The following ABHD5 variants were observed in gnomAD, a reference collection of about 807,000 sequenced individuals.
ABHD5 encodes abhydrolase domain containing 5, lysophosphatidic acid acyltransferase.
A neutral mutation model predicts 44.9 loss-of-function variants in ABHD5; 30 were observed. The observed-to-expected ratio is 0.67, with a 90% CI of 0.50 to 0.91. The LOEUF is 0.91. Ranked by LOEUF, ABHD5 falls within the 40% of genes least tolerant of loss-of-function variation. ABHD5 has a pLI of 0.00. For synonymous variants in ABHD5, 167 were observed against 147.0 expected (o/e 1.14, Z -0.99); for missense variants, 399 against 423.4 (o/e 0.94, Z 0.50).
chr3:43,691,039 G>A lies in ABHD5; in HGVS notation c.47G>A (p.Arg16Lys), dbSNP rs2084365740. 1.3e-6 allele frequency: 2 copies of A among 1,556,166 alleles called. No individual in the cohort carries two copies. The highest frequency in any genetic ancestry group is 2.6e-5 in the East Asian group (1 of 38,248). The part of the protein sequence containing the change: ...EEVDSADTGE[R>K]SGWLTGWLPT... ...GTGGACTCTGCCGACACCGGAGAGA[G>A]GTAAGCGCAGCCGGCAGGGGGCTTC... Residue 16 changes from arginine (R) to lysine (K), a missense_variant and splice_region_variant, in exon 1 of 7, where the codon AGG becomes AAG. Transcript: ENST00000644371.
chr3:43,734,247 A>C (rs1697298676), exon 8 of ABHD5: 1 of 152,150 alleles, frequency 6.6e-6, no homozygotes, highest in Non-Finnish European at 1.5e-5. Flanking sequence ...ATTGACTGAC[A>C]CGTGGGTGCA....
downstream of ABHD5, among the ~76,000 whole-genome samples, chr3:43,724,772 A>G (rs1361667678): frequency 2.6e-5 from 4 of 152,196 alleles, no homozygotes; most frequent in Non-Finnish European, 2.9e-5. Context: ...AAAGTTACAT[A>G]AAGATACACT....
intron 6 of ABHD5, among the ~76,000 whole-genome samples, chr3:43,718,065 G>T (rs1001932678): frequency 2.1e-4 from 32 of 152,156 alleles, no homozygotes; most frequent in African/African-American, 7.5e-4. Flanking sequence ...CTTTCTGAAT[G>T]ACTTTTCCTG....
intron 7 of ABHD5, among the ~76,000 whole-genome samples, chr3:43,729,755 T>C (rs191485315): frequency 2.0e-5 from 3 of 152,348 alleles, no homozygotes; most frequent in Admixed American, 6.5e-5. Flanking sequence ...AGTTGCTCTA[T>C]GATAGAAGGT....
downstream of ABHD5, among the ~76,000 whole-genome samples, chr3:43,725,313 CCTG>C (rs2149610890): frequency 6.6e-6 from 1 of 152,280 alleles, no homozygotes; most frequent in African/African-American, 2.4e-5. Context: ...TTATATCTCT[CCTG>C]CTGTTTTCTC....
intron 1 of ABHD5, 57 bp downstream of exon 1, chr3:43,691,096 C>G (rs2084368323): frequency 6.7e-7 from 1 of 1,488,198 alleles, no homozygotes; most frequent in East Asian, 2.8e-5. Flanking sequence ...TCCGCGCGGG[C>G]CGGGTTAGGG....
chr3:43,716,903 G>T (rs911135336), intron 5 of ABHD5, among the ~76,000 whole-genome samples: 2 of 152,008 alleles, frequency 1.3e-5, no homozygotes, highest in Admixed American at 1.3e-4. Flanking sequence ...ACCAGGCGTG[G>T]TACTCACGCC....
At chr3:43,711,591 T>C (rs2084688829) in intron 3 of ABHD5, 118 bp from the exon 4 acceptor site, 9 of 1,149,572 alleles carry the variant, frequency 7.8e-6, no homozygotes, top group Admixed American at 1.9e-5. Flanking sequence ...CACTAATCTT[T>C]AACGTGAAGG....
intron 3 of ABHD5, among the ~76,000 whole-genome samples, chr3:43,709,645 A>G (rs2084663546): frequency 6.6e-6 from 1 of 152,232 alleles, no homozygotes; most frequent in African/African-American, 2.4e-5. Flanking sequence ...GTTTCTTAAC[A>G]TGAATCTTTG....
chr3:43,714,497 G>T (rs535623792), intron 4 of ABHD5, among the ~76,000 whole-genome samples: 1 of 152,086 alleles, frequency 6.6e-6, no homozygotes. Flanking sequence ...AGGGAGTCTC[G>T]CTAGTGTCCC....
chr3:43,691,682 T>C (rs1475598965), intron 1 of ABHD5: 1 of 152,144 alleles, frequency 6.6e-6, no homozygotes, highest in African/African-American at 2.4e-5. Context: ...GAAGTGGGTG[T>C]ATGGCTGTGA....
chr3:43,704,164 C>T (rs546065015), intron 3 of ABHD5, among the ~76,000 whole-genome samples: 31 of 151,490 alleles, frequency 2.0e-4, no homozygotes, highest in Non-Finnish European at 3.5e-4. Context: ...CTCAGCCTCC[C>T]GAGTAGTTGG....
chr3:43,691,035 G>A lies in ABHD5; in HGVS notation c.43G>A (p.Glu15Lys), dbSNP rs761863848. 1.7e-5 allele frequency: 27 copies of A among 1,560,318 alleles called. No homozygotes were observed. The highest frequency in any genetic ancestry group is 4.7e-5 in the South Asian group (4 of 86,000). Residue 15 changes from glutamate (E) to lysine (K), a missense_variant, in exon 1 of 7, where the codon GAG becomes AAG. By Grantham distance (56) the Glu-to-Lys change is moderately conservative (BLOSUM62 1). Transcript: ENST00000644371. ...GGAGGTGGACTCTGCCGACACCGGA[G>A]AGAGGTAAGCGCAGCCGGCAGGGGG... ...EEEVDSADTG[E>K]RSGWLTGWLP...
intron 3 of ABHD5, among the ~76,000 whole-genome samples, chr3:43,709,904 G>A (rs1453579554): frequency 1.3e-5 from 2 of 152,112 alleles, no homozygotes; most frequent in African/African-American, 2.4e-5. Flanking sequence ...TTAGCCAGGC[G>A]TGGTAGTGTG....
At chr3:43,725,857 T>G (rs1347952583), downstream of ABHD5, among the ~76,000 whole-genome samples, 1 of 151,364 alleles carries the variant, frequency 6.6e-6, no homozygotes, top group African/African-American at 2.4e-5. Flanking sequence ...AGTTTTTTTT[T>G]TTGTTTTTTT....
In ABHD5 at chr3:43,718,926, C is replaced by T; in HGVS notation, c.*394C>T. On this transcript the variant is annotated 3_prime_UTR_variant, in exon 7 of 7. Coordinates refer to ENST00000644371, the MANE Select transcript of ABHD5 (RefSeq NM_016006.6). ...CTGAGTCTCTTACACTGTAAAGGTG[C>T]ACTTTATTTTCTTTGTCTTCCCCAT... The T allele has an allele frequency of 5.9e-6, 1 of 170,610 alleles. No homozygotes were observed. The allele number at this position is 170,610 out of a possible 1,614,324, so 10.6% of individuals were successfully genotyped here.
chr3:43,702,250 A>G lies in ABHD5; in HGVS notation c.169A>G (p.Ile57Val). ...CACATACAAAAAAGAACCTGTTCGT[A>G]TATCTAATGGAAATAAAATATGGAC... ...PCTYKKEPVR[I>V]SNGNKIWTLK... Residue 57 changes from isoleucine to valine, a missense_variant, in exon 3 of 7, where the codon ATA (isoleucine) becomes GTA (valine). Transcript: ENST00000644371. The G allele has an allele frequency of 6.3e-7, 1 of 1,593,144 alleles. No homozygotes were observed. Among genetic ancestry groups the G allele is most frequent in the Non-Finnish European group, 8.6e-7 (1 of 1,166,726 alleles).
chr3:43,711,967 AC>A (rs1351855163), intron 4 of ABHD5, 104 bp downstream of exon 4: 12 of 1,500,528 alleles, frequency 8.0e-6, no homozygotes, highest in African/African-American at 4.1e-5. Flanking sequence ...AAAACCCTGA[AC>A]CCTTACTTTT....
intron 4 of ABHD5, 61 bp from the exon 5 acceptor site, chr3:43,714,886 A>T: frequency 8.5e-7 from 1 of 1,173,876 alleles, no homozygotes; most frequent in Non-Finnish European, 1.3e-6. Flanking sequence ...TTTCTATATT[A>T]TTTAGTTGAT....
Sources: allele counts gnomAD v4.1 joint callset (sites outside exome capture counted in the v4.1 genomes callset), GRCh38; gene constraint gnomAD v4.1.1; transcripts MANE v1.5; gene names NCBI Gene and HGNC (gene_info 2026-07-23, HGNC 2026-07-21).